Variants in CLVS2 observed in about 807,000 individuals in gnomAD.
CLVS2 encodes the protein clavesin-2.
Under a neutral mutation model 29.0 loss-of-function variants are expected in CLVS2, and 19 were observed. The ratio of observed to expected loss-of-function variants is 0.66; its 90% CI spans 0.46 to 0.96. The LOEUF (loss-of-function observed/expected upper bound fraction) is 0.96. CLVS2 is among the 40% of genes least tolerant of loss of function. The probability of loss-of-function intolerance (pLI) is 0.00; values close to 1 mark genes in which losing one functional copy is unlikely to be tolerated. For missense variants in CLVS2, 294 were observed against 404.1 expected, an observed-to-expected ratio of 0.73 and a Z score of 2.34; for synonymous variants, 161 against 151.3, an observed-to-expected ratio of 1.06 and a Z score of -0.47.
At chr6:123,043,197 GA>G (rs1366918089) in intron 3 of CLVS2, among the ~76,000 whole-genome samples, 11 of 152,034 alleles carry the variant, frequency 7.2e-5, no homozygotes, top group African/African-American at 2.7e-4. Context: ...ATAAAACTTG[GA>G]AAAAAACTTG....
At chr6:123,013,748 G>A (rs188934917) in intron 3 of CLVS2, among the ~76,000 whole-genome samples, 11 of 151,916 alleles carry the variant, frequency 7.2e-5, no homozygotes, top group Admixed American at 2.0e-4. Flanking sequence ...TCATGTTGGT[G>A]TGCTGCACCC....
At chr6:123,053,299 G>A (rs1047382770) in intron 4 of CLVS2, among the ~76,000 whole-genome samples, 11 of 152,094 alleles carry the variant, frequency 7.2e-5, no homozygotes, top group Non-Finnish European at 2.9e-5. Flanking sequence ...AGCTGAGATC[G>A]CAGCACTACA....
At chr6:123,011,572 A>G (rs184517809) in intron 3 of CLVS2, among the ~76,000 whole-genome samples, 29 of 152,074 alleles carry the variant, frequency 1.9e-4, no homozygotes, top group South Asian at 1.7e-3. Flanking sequence ...CAACTGTTGG[A>G]AAGTCAATCA....
At position 123,012,135 on chromosome 6, in the gene CLVS2, C is replaced by A. The variant is rs1774757423; in HGVS notation, c.564+976C>A. The stretch of plus-strand genomic sequence containing the variant: ...CCATATAGGTTTTTCCTGATGTAGG[C>A]TTCCTGACTTGCTCTTGGTGAGACA... On this transcript the variant is annotated intron_variant, in intron 3 of 5. Transcript: ENST00000275162. Among the ~76,000 whole-genome samples the A allele has an allele frequency of 3.9e-5, 6 of 151,988 alleles. No homozygotes were observed. The South Asian group carries it at 1.2e-3, about 31-fold the overall frequency.
chr6:123,009,203 C>A (rs1320551578), intron 2 of CLVS2, among the ~76,000 whole-genome samples: 1 of 151,922 alleles, frequency 6.6e-6, no homozygotes, highest in Non-Finnish European at 1.5e-5. Context: ...CCAAACATGG[C>A]CAATGAGATA....
At position 122,997,727 on chromosome 6, in the gene CLVS2, TG is replaced by T; in HGVS notation, c.-48del. The T allele has an allele frequency of 6.3e-7, 1 of 1,583,072 alleles. No homozygotes were observed. The highest frequency in any genetic ancestry group is 8.6e-7 in the Non-Finnish European group (1 of 1,164,116). ...GTGGTGGCAAGGACCAGGTTTGCTT[TG>T]GGACAGTCAACAAGGTCTTCTGAGG... On this transcript the variant is annotated 5_prime_UTR_variant, in exon 2 of 6. Transcript: ENST00000275162.
intron 3 of CLVS2, among the ~76,000 whole-genome samples, chr6:123,041,541 G>C (rs1461966538): frequency 6.6e-6 from 1 of 152,112 alleles, no homozygotes; most frequent in Non-Finnish European, 1.5e-5. Flanking sequence ...TCTATAATGG[G>C]AACTGAATTC....
intron 3 of CLVS2, among the ~76,000 whole-genome samples, chr6:123,035,912 G>A (rs935638166): frequency 2.6e-5 from 4 of 152,128 alleles, no homozygotes; most frequent in Non-Finnish European, 5.9e-5. Flanking sequence ...CAGTGATGTG[G>A]CTGGGATGGA....
chr6:123,005,650 C>T (rs1774657123), intron 2 of CLVS2, among the ~76,000 whole-genome samples: 1 of 152,142 alleles, frequency 6.6e-6, no homozygotes. Flanking sequence ...AGCAAAGAAG[C>T]ATGGGTCAGG....
At chr6:123,012,227 T>C (rs1774758940) in intron 3 of CLVS2, among the ~76,000 whole-genome samples, 1 of 152,006 alleles carries the variant, frequency 6.6e-6, no homozygotes. Flanking sequence ...TAATACAGGA[T>C]GGTAGACAGC....
intron 4 of CLVS2, among the ~76,000 whole-genome samples, chr6:123,048,964 CA>C (rs1401296864): frequency 6.6e-6 from 1 of 152,082 alleles, no homozygotes; most frequent in Non-Finnish European, 1.5e-5. Flanking sequence ...GACATTTTAG[CA>C]TATTCACTGT....
Position 123,063,883 on chromosome 6 carries a change from A to G in CLVS2, c.*122A>G. The G allele has an allele frequency of 1.7e-6, 1 of 599,884 alleles. No homozygotes were observed. The highest frequency in any genetic ancestry group is 3.0e-5 in the East Asian group (1 of 33,106). 37.2% of individuals were successfully genotyped at this position (599,884 alleles called of 1,614,324 possible). ...CTTATTCATGTTAATGTAGCATAATATATAACAAGGCATCAGGCTTTCCTT... is the reference window on the plus strand; with the variant it reads ...CTTATTCATGTTAATGTAGCATAATGTATAACAAGGCATCAGGCTTTCCTT... On this transcript the variant is annotated 3_prime_UTR_variant, in exon 6 of 6. Transcript: ENST00000275162.
rs995115042 is a variant in CLVS2 at position 122,997,556 on chromosome 6, G to A, written c.-222G>A. The A allele has an allele frequency of 1.7e-5, 10 of 590,850 alleles. 1 individual carries two copies. Among genetic ancestry groups the A allele is most frequent in the South Asian group, 6.6e-5 (3 of 45,670 alleles). The allele number at this position is 590,850 out of a possible 1,614,324, so 36.6% of individuals were successfully genotyped here. On this transcript the variant is annotated 5_prime_UTR_variant, in exon 2 of 6. Transcript: ENST00000275162. ...AAAGTAGGGTGTTGTATTTTAGGGG[G>A]CAGAGGAAGAAGTTTACACCCCCCG...
In CLVS2 at chr6:123,067,901, C is replaced by T. The variant is rs577071716; in HGVS notation, c.*4140C>T. ...TGAAAAAATAGCTTCCCATATGCTA[C>T]TGGAACTATTTGACATTATTTGCTA... On this transcript the variant is annotated 3_prime_UTR_variant, in exon 6 of 6. Transcript: ENST00000275162. The T allele has an allele frequency of 2.6e-5, 4 of 151,652 alleles. No homozygotes were observed. Among genetic ancestry groups the T allele is most frequent in the Non-Finnish European group, 5.9e-5 (4 of 67,698 alleles). The allele number at this position is 151,652 out of a possible 1,614,324, so 9.4% of individuals were successfully genotyped here. A position where few individuals can be genotyped will look rare whatever the true frequency, so the allele number is the denominator to read the frequency against.
chr6:123,062,280 A>T (rs1401253326), intron 5 of CLVS2, among the ~76,000 whole-genome samples: 1 of 152,180 alleles, frequency 6.6e-6, no homozygotes, highest in Admixed American at 6.6e-5. Flanking sequence ...CTCCTTTGTT[A>T]AAAAGTATTT....
chr6:123,037,996 A>G (rs1775178023), intron 3 of CLVS2, among the ~76,000 whole-genome samples: 1 of 152,180 alleles, frequency 6.6e-6, no homozygotes, highest in Non-Finnish European at 1.5e-5. Flanking sequence ...CTATCCAGGT[A>G]GGCTCCACAT....
intron 3 of CLVS2, among the ~76,000 whole-genome samples, chr6:123,015,688 A>G (rs1379656521): frequency 6.6e-6 from 1 of 152,102 alleles, no homozygotes; most frequent in African/African-American, 2.4e-5. Context: ...CTAACTAAAG[A>G]TGTCACAAAT....
At chr6:123,036,367 C>G (rs1411386822) in intron 3 of CLVS2, among the ~76,000 whole-genome samples, 1 of 152,138 alleles carries the variant, frequency 6.6e-6, no homozygotes, top group Non-Finnish European at 1.5e-5. Flanking sequence ...TAATTAGAAT[C>G]TACTCCAATT....
intron 3 of CLVS2, among the ~76,000 whole-genome samples, chr6:123,039,449 AG>A (rs1775198279): frequency 6.6e-6 from 1 of 152,192 alleles, no homozygotes; most frequent in Non-Finnish European, 1.5e-5. Flanking sequence ...AGCCTGACTT[AG>A]GAACACATTT....
Sources: allele counts gnomAD v4.1 joint callset (sites outside exome capture counted in the v4.1 genomes callset), GRCh38; gene constraint gnomAD v4.1.1; transcripts MANE v1.5; gene names NCBI Gene and HGNC (gene_info 2026-07-23, HGNC 2026-07-21).